The following MBD2 variants were observed in gnomAD, a reference collection of about 807,000 sequenced individuals.
MBD2 encodes methyl-CpG binding domain protein 2, also known as methyl-CpG-binding domain protein 2.
MBD2 carries 9 observed loss-of-function variants against 39.3 expected under a neutral mutation model. The ratio of observed to expected loss-of-function variants is 0.23; its 90% CI spans 0.14 to 0.40. The LOEUF is 0.40. Among genes scored for constraint, MBD2 ranks in the 10% least tolerant of loss-of-function variants. The pLI is 1.00. For missense variants in MBD2, 458 were observed against 532.6 expected, an observed-to-expected ratio of 0.86 and a Z score of 1.38; for synonymous variants, 233 against 211.1, an observed-to-expected ratio of 1.10 and a Z score of -0.90.
chr18:54,212,272 A>C (rs1162837019), intron 1 of MBD2, among the ~76,000 whole-genome samples: 1 of 152,042 alleles, frequency 6.6e-6, no homozygotes, highest in African/African-American at 2.4e-5. Flanking sequence ...CACCTTATAT[A>C]CTACCTCTTC....
chr18:54,163,066 G>A (rs1412095369), intron 5 of MBD2, among the ~76,000 whole-genome samples: 7 of 152,240 alleles, frequency 4.6e-5, no homozygotes, highest in Admixed American at 3.9e-4. Context: ...GATGTCAGGA[G>A]TTCAAGACCA....
At chr18:54,192,777 C>T (rs976046121) in intron 2 of MBD2, among the ~76,000 whole-genome samples, 1 of 151,974 alleles carries the variant, frequency 6.6e-6, no homozygotes, top group Non-Finnish European at 1.5e-5. Context: ...TGATGCTACA[C>T]TGGTAAGATG....
At chr18:54,196,243 T>C (rs930552127) in intron 2 of MBD2, among the ~76,000 whole-genome samples, 1 of 152,196 alleles carries the variant, frequency 6.6e-6, no homozygotes, top group African/African-American at 2.4e-5. Flanking sequence ...AACAAGATTT[T>C]TTAAAGGAGA....
intron 1 of MBD2, among the ~76,000 whole-genome samples, chr18:54,214,289 C>T (rs557548917): frequency 2.6e-5 from 4 of 151,812 alleles, no homozygotes; most frequent in Non-Finnish European, 5.9e-5. Context: ...TTGAACTCCT[C>T]GACTGAAGGA....
At chr18:54,188,263 T>C (rs2086297569) in intron 3 of MBD2, among the ~76,000 whole-genome samples, 1 of 152,196 alleles carries the variant, frequency 6.6e-6, no homozygotes, top group African/African-American at 2.4e-5. Flanking sequence ...CCCCGGGCTA[T>C]ATGGCATTAA....
At chr18:54,221,693 C>T (rs762166201) in intron 1 of MBD2, among the ~76,000 whole-genome samples, 18 of 151,942 alleles carry the variant, frequency 1.2e-4, no homozygotes, top group Admixed American at 3.9e-4. Context: ...CACTTGAACC[C>T]GAGAGGCGGA....
At chr18:54,162,987 T>C (rs904894173) in intron 5 of MBD2, among the ~76,000 whole-genome samples, 33 of 152,246 alleles carry the variant, frequency 2.2e-4, no homozygotes, top group Non-Finnish European at 4.6e-4. Context: ...AAATATAGGC[T>C]GGGCGTGGTG....
rs576448152 is a variant in MBD2, at chr18:54,168,664, T to A, written c.841-2498A>T. ...GTGTGTGTGTGTGTGTGTGTGTGTA[T>A]CTTCTCCCATCCGCAACCCAGGGGA... On this transcript the variant is annotated intron_variant, in intron 3 of 6. Transcript: ENST00000256429. Among the ~76,000 whole-genome samples, 17 of 133,610 alleles carry A rather than the reference T, an allele frequency of 1.3e-4. No individual in the cohort carries two copies. In the South Asian group the frequency reaches 4.1e-3, roughly 32 times the overall value. 87.7% of individuals were successfully genotyped at this position (133,610 alleles called of 152,430 possible).
intron 3 of MBD2, among the ~76,000 whole-genome samples, chr18:54,170,206 C>T (rs2086170460): frequency 6.6e-6 from 1 of 152,216 alleles, no homozygotes; most frequent in African/African-American, 2.4e-5. Flanking sequence ...CTTTACCCCA[C>T]TTAGTGTCCC....
intron 2 of MBD2, among the ~76,000 whole-genome samples, chr18:54,196,565 G>A (rs940054767): frequency 3.9e-5 from 6 of 152,156 alleles, no homozygotes; most frequent in Non-Finnish European, 8.8e-5. Context: ...TATGGAAATA[G>A]TGACACAAAT....
chr18:54,202,159 A>G (rs1288402778), intron 2 of MBD2, among the ~76,000 whole-genome samples: 2 of 152,050 alleles, frequency 1.3e-5, no homozygotes, highest in African/African-American at 4.8e-5. Context: ...CCTGGCCAAC[A>G]TGACGAAACC....
intron 3 of MBD2, among the ~76,000 whole-genome samples, chr18:54,174,049 A>C (rs548697276): frequency 1.3e-4 from 20 of 152,354 alleles, no homozygotes; most frequent in Admixed American, 6.5e-4. Context: ...TGAATCAAAA[A>C]AGGCAAAAAC....
intron 2 of MBD2, chr18:54,202,985 A>G (rs540378576): frequency 2.0e-6 from 2 of 999,660 alleles, no homozygotes; most frequent in East Asian, 4.8e-5. Context: ...GATGAGTAGG[A>G]GTTCACCAGA....
intron 3 of MBD2, among the ~76,000 whole-genome samples, chr18:54,185,181 C>T (rs1372032247): frequency 2.6e-5 from 4 of 152,086 alleles, no homozygotes; most frequent in Admixed American, 1.3e-4. Flanking sequence ...CAATTTAAAA[C>T]ATTCCTTCTA....
intron 1 of MBD2, among the ~76,000 whole-genome samples, chr18:54,205,539 C>T (rs2086442409): frequency 2.0e-5 from 3 of 146,442 alleles, no homozygotes; most frequent in East Asian, 2.0e-4. Flanking sequence ...TGCAGTGAGC[C>T]AAGATCGCGT....
chr18:54,213,707 C>T (rs557684480), intron 1 of MBD2, among the ~76,000 whole-genome samples: 4 of 152,186 alleles, frequency 2.6e-5, no homozygotes, highest in South Asian at 2.1e-4. Flanking sequence ...CTAGGGGGAA[C>T]GGGGTGAATA....
intron 1 of MBD2, among the ~76,000 whole-genome samples, chr18:54,207,975 T>C (rs1014698496): frequency 6.6e-6 from 1 of 151,952 alleles, no homozygotes; most frequent in African/African-American, 2.4e-5. Context: ...GAGGCGGAGC[T>C]TGCAGTGAGC....
At chr18:54,200,915 T>TA (rs1317039873) in intron 2 of MBD2, among the ~76,000 whole-genome samples, 2 of 151,806 alleles carry the variant, frequency 1.3e-5, no homozygotes, top group African/African-American at 2.4e-5. Flanking sequence ...CCATCTCTAC[T>TA]AAGAAATACA....
At position 54,178,462 on chromosome 18, in the gene MBD2, C is replaced by G. The variant is rs187195508; in HGVS notation, c.840+10412G>C. On this transcript the variant is annotated intron_variant, in intron 3 of 6. Coordinates refer to ENST00000256429, the MANE Select transcript of MBD2 (RefSeq NM_003927.5). ...TTTTAAAACAAATTTAAAAACTCAACTGTATGTTTATGCAAGAGACAGATT... is the reference window on the plus strand; with the variant it reads ...TTTTAAAACAAATTTAAAAACTCAAGTGTATGTTTATGCAAGAGACAGATT... Among the ~76,000 whole-genome samples, 3 of 151,948 alleles carry G rather than the reference C, an allele frequency of 2.0e-5. No individual in the cohort carries two copies. In the East Asian group the frequency reaches 5.8e-4, roughly 29 times the overall value.
Sources: gnomAD v4.1 joint callset for allele counts (sites outside exome capture counted in the v4.1 genomes callset) on GRCh38, gnomAD v4.1.1 for gene constraint, MANE v1.5 for transcripts, NCBI Gene and HGNC (gene_info 2026-07-23, HGNC 2026-07-21) for gene names.